The following DLGAP1 variants were observed in gnomAD, a reference collection of about 807,000 sequenced individuals.
The protein encoded by DLGAP1 is disks large-associated protein 1.
Under a neutral mutation model 90.8 loss-of-function variants are expected in DLGAP1, and 11 were observed. The ratio of observed to expected loss-of-function variants is 0.12; its 90% CI spans 0.08 to 0.20. The LOEUF is 0.20. DLGAP1 is among the 10% of genes least tolerant of loss of function. DLGAP1 has a pLI of 1.00. For missense variants in DLGAP1, 1,050 were observed against 1,333.8 expected, an observed-to-expected ratio of 0.79 and a Z score of 3.31; for synonymous variants, 558 against 540.7, an observed-to-expected ratio of 1.03 and a Z score of -0.44.
intron 1 of DLGAP1, among the ~76,000 whole-genome samples, chr18:4,333,874 A>G (rs2081009397): frequency 6.6e-6 from 1 of 150,808 alleles, no homozygotes; most frequent in South Asian, 2.1e-4. Flanking sequence ...TGCCGGGACC[A>G]CAGGCGTGAG....
rs745392034 is a variant in DLGAP1, at chr18:3,880,032, C to T, written c.37G>A (p.Gly13Arg). The change falls in exon 4 of 13, where the codon GGG (glycine) becomes AGG (arginine). Residue 13 changes from glycine (G) to arginine (R), a missense_variant. Physicochemically the swap from Gly to Arg is moderately radical, Grantham distance 125. This residue lies in a region of DLGAP1 where 485 missense variants were observed against 454.1 expected (regional missense o/e 1.07). Coordinates refer to ENST00000315677, the MANE Select transcript of DLGAP1 (RefSeq NM_004746.4). ...TCACAGGCCGAGTCGCAGGTGACCCCGTGGTGATGGCTGCGGCTGCCTGAT... is the reference window on the plus strand; with the variant it reads ...TCACAGGCCGAGTCGCAGGTGACCCTGTGGTGATGGCTGCGGCTGCCTGAT... The part of the protein sequence containing the change: ...GLSGSRSHHH[G>R]VTCDSACDSL... 8.7e-6 allele frequency: 14 copies of T among 1,606,326 alleles called. No individual in the cohort carries two copies. In the South Asian group the frequency reaches 1.1e-4, roughly 13 times the overall value.
intron 7 of DLGAP1, among the ~76,000 whole-genome samples, chr18:3,635,278 C>A (rs1000325499): frequency 1.4e-4 from 22 of 152,100 alleles, no homozygotes; most frequent in East Asian, 3.9e-4. Context: ...CTACAGGCGC[C>A]CGCCACCACG....
intron 5 of DLGAP1, among the ~76,000 whole-genome samples, chr18:3,759,484 AG>A (rs2063862092): frequency 6.6e-6 from 1 of 152,248 alleles, no homozygotes. Context: ...CAATTCTTTC[AG>A]CGTGCCAAAT....
intron 2 of DLGAP1, among the ~76,000 whole-genome samples, chr18:4,026,708 A>T (rs4248): frequency 0.52 from 79,079 of 152,050 alleles, 21,292 homozygotes; most frequent in African/African-American, 0.66. Context: ...GATTCTTTGG[A>T]CACACAGGGA....
At chr18:4,333,028 G>A (rs1406640760) in intron 1 of DLGAP1, among the ~76,000 whole-genome samples, 1 of 151,890 alleles carries the variant, frequency 6.6e-6, no homozygotes, top group Non-Finnish European at 1.5e-5. Context: ...GCTTTCCTGT[G>A]TAACTGTTTC....
At chr18:3,988,643 G>C (rs963676143) in intron 3 of DLGAP1, among the ~76,000 whole-genome samples, 2 of 152,040 alleles carry the variant, frequency 1.3e-5, no homozygotes, top group Admixed American at 6.5e-5. Context: ...CAAATGATGG[G>C]GAGCGGCTGC....
At chr18:3,861,659 C>G (rs1327249035) in intron 4 of DLGAP1, among the ~76,000 whole-genome samples, 3 of 152,186 alleles carry the variant, frequency 2.0e-5, no homozygotes, top group Non-Finnish European at 4.4e-5. Context: ...CTGCCCTCTA[C>G]CCCATCCAAA....
intron 1 of DLGAP1, among the ~76,000 whole-genome samples, chr18:4,384,212 A>T (rs1245385144): frequency 1.3e-5 from 2 of 152,160 alleles, no homozygotes; most frequent in Non-Finnish European, 2.9e-5. Flanking sequence ...CAGGGAGGAC[A>T]TTTGCAGAGC....
At chr18:4,118,905 G>GT (rs2076106821) in intron 2 of DLGAP1, among the ~76,000 whole-genome samples, 1 of 151,880 alleles carries the variant, frequency 6.6e-6, no homozygotes, top group South Asian at 2.1e-4. Context: ...ATAAATGGAT[G>GT]TTTACTGGGG....
intron 1 of DLGAP1, among the ~76,000 whole-genome samples, chr18:4,264,202 A>G (rs1469344206): frequency 6.6e-6 from 1 of 152,222 alleles, no homozygotes; most frequent in East Asian, 1.9e-4. Flanking sequence ...TGAACTAAAA[A>G]TAGAGAGGGA....
chr18:3,622,019 AG>A (rs1177240978), intron 7 of DLGAP1, among the ~76,000 whole-genome samples: 1 of 151,866 alleles, frequency 6.6e-6, no homozygotes, highest in Non-Finnish European at 1.5e-5. Flanking sequence ...TTGCCAACAG[AG>A]GGTACCTGTG....
rs868099495 is a variant in DLGAP1, at chr18:3,845,400, A to C, written c.958-31127T>G. On this transcript the variant is annotated intron_variant, in intron 4 of 12. Transcript: ENST00000315677. ...AAACACAGGACTTGGGGGTGGGGGG[A>C]GAGTGGTTGGTCATGGCTCACAACT... The C allele has an allele frequency of 2.0e-5, 28 of 1,404,552 alleles. No individual in the cohort carries two copies. The Middle Eastern group carries it at 3.3e-3, about 167-fold the overall frequency. The allele number at this position is 1,404,552 out of a possible 1,614,324, so 87.0% of individuals were successfully genotyped here.
intron 2 of DLGAP1, among the ~76,000 whole-genome samples, chr18:4,066,903 T>G (rs370903386): frequency 1.3e-5 from 2 of 152,148 alleles, no homozygotes; most frequent in Non-Finnish European, 2.9e-5. Context: ...CTATTCACAA[T>G]AGCAAAGACA....
intron 7 of DLGAP1, among the ~76,000 whole-genome samples, chr18:3,714,838 G>A (rs2061711288): frequency 6.6e-6 from 1 of 151,970 alleles, no homozygotes; most frequent in African/African-American, 2.4e-5. Flanking sequence ...GTTTCGCCAT[G>A]TTGGCCAGGC....
At chr18:3,756,900 C>T (rs4798122) in intron 5 of DLGAP1, among the ~76,000 whole-genome samples, 26,548 of 152,006 alleles carry the variant, frequency 0.17, 2,794 homozygotes, top group East Asian at 0.53. Flanking sequence ...AATAAAAAAT[C>T]TGAATAGATC....
intron 1 of DLGAP1, among the ~76,000 whole-genome samples, chr18:4,362,857 GA>G (rs1403596818): frequency 6.6e-6 from 1 of 152,016 alleles, no homozygotes; most frequent in Non-Finnish European, 1.5e-5. Context: ...TTAATCAAGA[GA>G]AAATACTGAA....
At chr18:4,377,356 T>G (rs1049276386) in intron 1 of DLGAP1, among the ~76,000 whole-genome samples, 1 of 152,186 alleles carries the variant, frequency 6.6e-6, no homozygotes, top group African/African-American at 2.4e-5. Flanking sequence ...AAATTCATGA[T>G]TCCCAGATTC....
At position 3,742,516 on chromosome 18, in the gene DLGAP1, G is replaced by T. The variant is rs921399442; in HGVS notation, c.1173-4C>A. 6.2e-7 allele frequency: 1 copy of T among 1,613,872 alleles called. No individual in the cohort carries two copies. The highest frequency in any genetic ancestry group is 1.3e-5 in the African/African-American group (1 of 74,922). On this transcript the variant is annotated splice_polypyrimidine_tract_variant and splice_region_variant and intron_variant, in intron 5 of 12. Transcript: ENST00000315677. ...GGGTGAGTGTTCATTGGAGATTCTG[G>T]AAGGGAACAATGGAAGAGGTGCATT...
At chr18:3,521,770 A>T (rs1023168660) in intron 10 of DLGAP1, among the ~76,000 whole-genome samples, 20 of 152,192 alleles carry the variant, frequency 1.3e-4, no homozygotes, top group Non-Finnish European at 2.6e-4. Flanking sequence ...TGCCCATGTA[A>T]CTAACTCCTA....
Sources: allele counts gnomAD v4.1 joint callset (sites outside exome capture counted in the v4.1 genomes callset), GRCh38; gene constraint gnomAD v4.1.1; regional missense constraint gnomAD v4.1.1; transcripts MANE v1.5; gene names NCBI Gene and HGNC (gene_info 2026-07-23, HGNC 2026-07-21).